ERICH1: variants seen among roughly 807,000 people sequenced by gnomAD.
The protein encoded by ERICH1 is glutamate-rich protein 1.
ERICH1 carries 56 observed loss-of-function variants against 39.6 expected under a neutral mutation model. The observed-to-expected ratio is 1.41, with a 90% CI of 1.14 to 1.77. The LOEUF (loss-of-function observed/expected upper bound fraction) is 1.77, where lower values mean the gene tolerates loss of function less well. Ranked by LOEUF, ERICH1 falls within the 40% of genes most tolerant of loss-of-function variation. The pLI is 0.00. For missense variants in ERICH1, 826 were observed against 575.4 expected (o/e 1.44, Z -4.45); for synonymous variants, 313 against 223.6 (o/e 1.40, Z -3.57).
intron 3 of ERICH1, among the ~76,000 whole-genome samples, chr8:679,828 G>A (rs112795274): frequency 0.018 from 2,748 of 150,634 alleles, 128 homozygotes; most frequent in African/African-American, 0.064. Context: ...GGGAAGAAAC[G>A]CAGCTGCCAC....
chr8:724,131 C>T (rs1817993082), intron 1 of ERICH1, among the ~76,000 whole-genome samples: 1 of 152,186 alleles, frequency 6.6e-6, no homozygotes, highest in Non-Finnish European at 1.5e-5. Flanking sequence ...CACGCCATGA[C>T]CGATCTGACA....
intron 5 of ERICH1, chr8:668,103 T>C (rs1424730671): frequency 1.0e-5 from 2 of 198,480 alleles, no homozygotes; most frequent in East Asian, 1.3e-4. Flanking sequence ...CACCACAGCT[T>C]GTGTCACCGC....
intron 1 of ERICH1, among the ~76,000 whole-genome samples, chr8:724,894 T>C (rs1239841498): frequency 6.6e-6 from 1 of 152,062 alleles, no homozygotes; most frequent in East Asian, 1.9e-4. Flanking sequence ...CCACGCCGCC[T>C]GGCCCGGACC....
At chr8:637,761 C>T (rs780083092) in intron 3 of ERICH1, among the ~76,000 whole-genome samples, 11 of 152,212 alleles carry the variant, frequency 7.2e-5, no homozygotes, top group African/African-American at 1.2e-4. Flanking sequence ...ACAGAAGCCA[C>T]GGCTGCTCAG....
intron 3 of ERICH1, among the ~76,000 whole-genome samples, chr8:655,934 C>T (rs1800606730): frequency 6.6e-6 from 1 of 152,154 alleles, no homozygotes. Flanking sequence ...CTCGCAGTTA[C>T]ACCCAATCGC....
At chr8:679,637 C>T (rs12677037) in intron 3 of ERICH1, among the ~76,000 whole-genome samples, 72,495 of 152,138 alleles carry the variant, frequency 0.48, 17,454 homozygotes, top group East Asian at 0.53. Flanking sequence ...AATCAAACTG[C>T]CTCAAAGGAA....
intron 3 of ERICH1, among the ~76,000 whole-genome samples, chr8:687,293 A>G (rs1175949943): frequency 1.3e-5 from 2 of 152,204 alleles, no homozygotes; most frequent in Non-Finnish European, 2.9e-5. Context: ...GGGAAACACT[A>G]ACACTTGCCT....
rs1454397347 is a variant in ERICH1 at position 643,730 on chromosome 8, C to T, written c.976+24868G>A. ...GACTTCGGGAGCTTGTGGGATGTGG[C>T]GTCAGGCATGGGGCGGCTCCTCAGG... On this transcript the variant is annotated intron_variant, in intron 3 of 3. Coordinates refer to the ERICH1 transcript ENST00000522706. Among the ~76,000 whole-genome samples the T allele has an allele frequency of 3.9e-5, 6 of 152,216 alleles. No individual in the cohort carries two copies. In the South Asian group the frequency reaches 8.3e-4, roughly 21 times the overall value.
rs1444506730 is a variant in ERICH1 at position 627,282 on chromosome 8, G to C, written c.977-11998C>G. ...AACACTTACCTTACAGGATTGAAAA[G>C]GGGTGTATAACAGGCCAGGGGCTGG... On this transcript the variant is annotated intron_variant, in intron 3 of 3. Coordinates refer to the ERICH1 transcript ENST00000522706. 3 of 453,524 alleles carry C rather than the reference G, an allele frequency of 6.6e-6. No individual in the cohort carries two copies. In the East Asian group the frequency reaches 2.1e-4, roughly 32 times the overall value. The allele number at this position is 453,524 out of a possible 1,614,324, so 28.1% of individuals were successfully genotyped here. A position where few individuals can be genotyped will look rare whatever the true frequency, so the allele number is the denominator to read the frequency against.
At chr8:622,347 T>G (rs1333033203) in intron 3 of ERICH1, among the ~76,000 whole-genome samples, 1 of 152,112 alleles carries the variant, frequency 6.6e-6, no homozygotes, top group Non-Finnish European at 1.5e-5. Context: ...CTTTGGAGAG[T>G]GACTAGGTCA....
intron 3 of ERICH1, among the ~76,000 whole-genome samples, chr8:623,109 A>T (rs1348041502): frequency 6.6e-6 from 1 of 152,202 alleles, no homozygotes; most frequent in East Asian, 1.9e-4. Context: ...AGGCAAAGAT[A>T]TCAAAAGAAA....
intron 1 of ERICH1, among the ~76,000 whole-genome samples, chr8:718,746 C>G (rs1585653088): frequency 6.6e-6 from 1 of 152,346 alleles, no homozygotes; most frequent in South Asian, 2.1e-4. Flanking sequence ...AGGAATCAAT[C>G]TGCTGGCACA....
Position 619,293 on chromosome 8 carries a change from C to A in ERICH1, c.977-4009G>T, listed in dbSNP as rs527763229. Among the ~76,000 whole-genome samples, 154 of 152,248 alleles carry A rather than the reference C, an allele frequency of 1.0e-3. 1 individual carries two copies. Among genetic ancestry groups the A allele is most frequent in the African/African-American group, 3.7e-3 (152 of 41,554 alleles). On this transcript the variant is annotated intron_variant, in intron 3 of 3. Transcript: ENST00000522706. ...AAGGAGGCCCCGGTGAGACCCACCG[C>A]GCACGAGGGGGGCCCGGTGAGACCT... is the stretch of plus-strand genomic sequence containing the variant.
chr8:694,633 A>C (rs1051056616), intron 2 of ERICH1, among the ~76,000 whole-genome samples: 7 of 152,210 alleles, frequency 4.6e-5, no homozygotes, highest in African/African-American at 1.4e-4. Flanking sequence ...CACAGGCACC[A>C]CGCAGACAGG....
intron 3 of ERICH1, among the ~76,000 whole-genome samples, chr8:683,151 G>A (rs193004517): frequency 9.2e-5 from 14 of 152,314 alleles, no homozygotes; most frequent in East Asian, 7.7e-4. Context: ...GTCCTGCCCC[G>A]GGCAGGGTGG....
intron 1 of ERICH1, among the ~76,000 whole-genome samples, chr8:717,433 A>C (rs2132362587): frequency 6.6e-6 from 1 of 152,286 alleles, no homozygotes; most frequent in South Asian, 2.1e-4. Context: ...TGGTCTGTGA[A>C]ATGCTTTTAA....
intron 4 of ERICH1, among the ~76,000 whole-genome samples, chr8:669,908 C>T (rs1043767748): frequency 1.3e-5 from 2 of 152,202 alleles, no homozygotes; most frequent in African/African-American, 4.8e-5. Flanking sequence ...AGGACTTCTT[C>T]AACCTGTGAC....
chr8:629,880 C>T (rs538495346), intron 3 of ERICH1, among the ~76,000 whole-genome samples: 1,910 of 136,544 alleles, frequency 0.014, 25 homozygotes, highest in African/African-American at 0.03. Flanking sequence ...CTGACTCACA[C>T]CCTCCTGTGA....
chr8:617,556 G>T (rs1584923438), intron 3 of ERICH1, among the ~76,000 whole-genome samples: 2 of 148,828 alleles, frequency 1.3e-5, no homozygotes, highest in African/African-American at 5.0e-5. Flanking sequence ...CTCAGTACTT[G>T]GTACTCAGTC....
Sources: allele counts gnomAD v4.1 joint callset (sites outside exome capture counted in the v4.1 genomes callset), GRCh38; gene constraint gnomAD v4.1.1; transcripts MANE v1.5; gene names NCBI Gene and HGNC (gene_info 2026-07-23, HGNC 2026-07-21).